PTPRK: variants seen among roughly 807,000 people sequenced by gnomAD.
The protein encoded by PTPRK is receptor-type tyrosine-protein phosphatase kappa.
PTPRK carries 75 observed loss-of-function variants against 178.0 expected under a neutral mutation model. That is an observed-to-expected ratio of 0.42 (90% CI 0.35 to 0.51). PTPRK has a LOEUF of 0.51. PTPRK is among the 20% of genes least tolerant of loss of function. PTPRK has a pLI of 0.02. For synonymous variants in PTPRK, 637 were observed against 620.6 expected (o/e 1.03, Z -0.39); for missense variants, 1,441 against 1,797.8 (o/e 0.80, Z 3.59).
chr6:128,024,552 T>A (rs1054428047), intron 13 of PTPRK, among the ~76,000 whole-genome samples: 2 of 152,200 alleles, frequency 1.3e-5, no homozygotes, highest in African/African-American at 4.8e-5. Context: ...CTCACGCCTG[T>A]AATCCCAGCA....
chr6:128,088,061 TTC>T (rs1463428896), intron 8 of PTPRK, among the ~76,000 whole-genome samples: 1 of 152,210 alleles, frequency 6.6e-6, no homozygotes, highest in Non-Finnish European at 1.5e-5. Flanking sequence ...ATAAAAAACA[TTC>T]TGTTTTATGA....
intron 7 of PTPRK, among the ~76,000 whole-genome samples, chr6:128,159,217 A>G (rs1798347100): frequency 6.6e-6 from 1 of 151,906 alleles, no homozygotes; most frequent in Non-Finnish European, 1.5e-5. Flanking sequence ...AGAAATTCTG[A>G]AACCTAAATG....
chr6:128,253,607 A>G (rs1396384289), intron 3 of PTPRK, among the ~76,000 whole-genome samples: 5 of 152,156 alleles, frequency 3.3e-5, no homozygotes, highest in Admixed American at 6.5e-5. Context: ...CACAAGCAGA[A>G]CCTTTTAAAT....
chr6:128,345,870 T>C (rs1832363505), intron 2 of PTPRK, among the ~76,000 whole-genome samples: 1 of 152,194 alleles, frequency 6.6e-6, no homozygotes, highest in South Asian at 2.1e-4. Flanking sequence ...CTTATTTCCA[T>C]TAAAATTAAA....
intron 6 of PTPRK, among the ~76,000 whole-genome samples, chr6:128,214,262 A>C (rs1481290356): frequency 6.6e-6 from 1 of 152,126 alleles, no homozygotes; most frequent in East Asian, 1.9e-4. Flanking sequence ...TTCCATGAAC[A>C]GTTCACCATT....
chr6:128,044,850 T>C (rs960847869), intron 13 of PTPRK, among the ~76,000 whole-genome samples: 2 of 152,016 alleles, frequency 1.3e-5, no homozygotes, highest in Non-Finnish European at 2.9e-5. Flanking sequence ...TATATATATA[T>C]AGTATACATA....
intron 1 of PTPRK, among the ~76,000 whole-genome samples, chr6:128,489,348 C>A (rs994507839): frequency 6.6e-6 from 1 of 152,144 alleles, no homozygotes; most frequent in Non-Finnish European, 1.5e-5. Context: ...TTTATTTTCA[C>A]AGTTTAGAGT....
intron 1 of PTPRK, among the ~76,000 whole-genome samples, chr6:128,493,904 G>A (rs1028224669): frequency 6.6e-6 from 1 of 152,074 alleles, no homozygotes; most frequent in Admixed American, 6.5e-5. Flanking sequence ...TCATTTCTAC[G>A]TGAGTTATAA....
chr6:128,309,605 A>T (rs1403871939), intron 3 of PTPRK, among the ~76,000 whole-genome samples: 1 of 152,178 alleles, frequency 6.6e-6, no homozygotes, highest in African/African-American at 2.4e-5. Context: ...TCAGCAGCTG[A>T]AATAACTTCT....
At chr6:128,209,006 A>C (rs1056652691) in intron 6 of PTPRK, among the ~76,000 whole-genome samples, 1 of 151,892 alleles carries the variant, frequency 6.6e-6, no homozygotes, top group Non-Finnish European at 1.5e-5. Context: ...TTCTCCTCCT[A>C]CTGTCATTAC....
At position 128,083,569 on chromosome 6, in the gene PTPRK, G is replaced by T. The variant is rs551194679; in HGVS notation, c.1575+146C>A. ...TTTGACGCTTAATTTTGGAATCAAA[G>T]AATCTGTAAATTAAAACAAAGGAGA... is the stretch of plus-strand genomic sequence containing the variant. On this transcript the variant is annotated intron_variant, in intron 9 of 29. Transcript: ENST00000368226. 2.3e-5 allele frequency: 10 copies of T among 426,828 alleles called. No homozygotes were observed. The South Asian group carries it at 3.9e-4, about 17-fold the overall frequency. The allele number at this position is 426,828 out of a possible 1,614,324, so 26.4% of individuals were successfully genotyped here.
intron 3 of PTPRK, 114 bp downstream of exon 3, chr6:128,321,925 G>A: frequency 1.5e-6 from 2 of 1,364,726 alleles, no homozygotes; most frequent in African/African-American, 1.4e-5. Flanking sequence ...GGGGGTGGGG[G>A]AGGCAAGAGG....
chr6:128,197,356 G>C (rs973838996), intron 6 of PTPRK, among the ~76,000 whole-genome samples: 1 of 151,342 alleles, frequency 6.6e-6, no homozygotes, highest in Non-Finnish European at 1.5e-5. Flanking sequence ...TCTATGTCCA[G>C]GTTTTAAATT....
intron 7 of PTPRK, among the ~76,000 whole-genome samples, chr6:128,122,133 C>T (rs770383933): frequency 2.6e-5 from 4 of 151,984 alleles, no homozygotes; most frequent in Non-Finnish European, 5.9e-5. Flanking sequence ...TTAATAGCCT[C>T]GAGAAATGTT....
At chr6:128,017,762 A>ATC (rs1779746994) in intron 13 of PTPRK, among the ~76,000 whole-genome samples, 1 of 17,590 alleles carries the variant, frequency 5.7e-5, no homozygotes, top group African/African-American at 4.7e-4. Context: ...ATATATATAC[A>ATC]TATATAAATA....
chr6:128,505,689 G>C (rs1856237469), intron 1 of PTPRK, among the ~76,000 whole-genome samples: 1 of 152,168 alleles, frequency 6.6e-6, no homozygotes, highest in African/African-American at 2.4e-5. Flanking sequence ...AAGGAAAAGA[G>C]AAGTTTGTGT....
chr6:128,340,474 T>C (rs1158978983), intron 2 of PTPRK, among the ~76,000 whole-genome samples: 1 of 152,220 alleles, frequency 6.6e-6, no homozygotes, highest in Non-Finnish European at 1.5e-5. Flanking sequence ...TAATTCACTA[T>C]GGGCATGAAA....
intron 7 of PTPRK, among the ~76,000 whole-genome samples, chr6:128,135,078 T>TCTCACACA (rs764373135): frequency 2.3e-4 from 32 of 136,382 alleles, no homozygotes; most frequent in African/African-American, 9.0e-4. Flanking sequence ...AATCATTCAA[T>TCTCACACA]CACACACACA....
chr6:128,320,980 G>T (rs1348873181), intron 3 of PTPRK: 1 of 152,064 alleles, frequency 6.6e-6, no homozygotes, highest in Non-Finnish European at 1.5e-5. Flanking sequence ...AATCTTACCT[G>T]TGGAACCATG....
Sources: gnomAD v4.1 joint callset for allele counts (sites outside exome capture counted in the v4.1 genomes callset) on GRCh38, gnomAD v4.1.1 for gene constraint, MANE v1.5 for transcripts, NCBI Gene and HGNC (gene_info 2026-07-23, HGNC 2026-07-21) for gene names.